Variants in CDC14B observed in about 807,000 individuals in gnomAD.
The protein encoded by CDC14B is cell division cycle 14B.
In CDC14B, 22 loss-of-function variants were observed where a neutral mutation model predicts 64.2. That is an observed-to-expected ratio of 0.34 (90% CI 0.24 to 0.49). The LOEUF is 0.49. CDC14B is among the 20% of genes least tolerant of loss of function. CDC14B has a pLI of 0.99. For missense variants in CDC14B, 498 were observed against 629.9 expected, an observed-to-expected ratio of 0.79 and a Z score of 2.24; for synonymous variants, 191 against 215.8, an observed-to-expected ratio of 0.89 and a Z score of 1.01.
intron 1 of CDC14B, among the ~76,000 whole-genome samples, chr9:96,587,160 G>A (rs2118503397): frequency 6.6e-6 from 1 of 152,062 alleles, no homozygotes; most frequent in Middle Eastern, 3.4e-3. Flanking sequence ...GCAACAGAGT[G>A]AGACTCTGTC....
In CDC14B at chr9:96,601,793, C is replaced by T. The variant is rs191951049; in HGVS notation, c.160+17426G>A. Among the ~76,000 whole-genome samples, 573 of 106,360 alleles carry T rather than the reference C, an allele frequency of 5.4e-3. 1 individual carries two copies. The highest frequency in any genetic ancestry group is 6.7e-3 in the Non-Finnish European group (378 of 56,658). The allele number at this position is 106,360 out of a possible 152,430, so 69.8% of individuals were successfully genotyped here. Reference sequence around the variant, plus strand: ...TGGGCGACAGAGCAAGACGCTGTCTCGAAAAAAAAAAAAAAAAAAAAATTG... The same window carrying T: ...TGGGCGACAGAGCAAGACGCTGTCTTGAAAAAAAAAAAAAAAAAAAAATTG... On this transcript the variant is annotated intron_variant, in intron 1 of 13. Transcript: ENST00000375241.
intron 9 of CDC14B, among the ~76,000 whole-genome samples, chr9:96,527,233 A>C (rs922627233): frequency 6.6e-6 from 1 of 152,128 alleles, no homozygotes; most frequent in African/African-American, 2.4e-5. Context: ...CCCCGTCTCT[A>C]GTAAAAATAC....
At position 96,502,147 on chromosome 9, in the gene CDC14B, T is replaced by C. The variant is rs1306639688; in HGVS notation, c.*1606A>G. On this transcript the variant is annotated 3_prime_UTR_variant, in exon 14 of 14. Transcript: ENST00000375241. ...TTTCCAGGGACAGAAAACCACTGTT[T>C]TTCTGTGATCCAGTCCCCAGTGTTT... is the stretch of plus-strand genomic sequence containing the variant. 2.0e-5 allele frequency: 3 copies of C among 152,170 alleles called. No homozygotes were observed. The highest frequency in any genetic ancestry group is 2.9e-5 in the Non-Finnish European group (2 of 68,032). 9.4% of individuals were successfully genotyped at this position (152,170 alleles called of 1,614,324 possible). A position where few individuals can be genotyped will look rare whatever the true frequency, so the allele number is the denominator to read the frequency against.
intron 1 of CDC14B, chr9:96,567,040 G>A: frequency 8.0e-7 from 1 of 1,244,448 alleles, no homozygotes; most frequent in Non-Finnish European, 1.1e-6. Flanking sequence ...AGGCCGTGGG[G>A]ACGGACAGCA....
chr9:96,581,040 A>G (rs1347167847), intron 1 of CDC14B, among the ~76,000 whole-genome samples: 2 of 151,900 alleles, frequency 1.3e-5, no homozygotes, highest in Non-Finnish European at 2.9e-5. Context: ...GACCAGCCTG[A>G]CCAACATAGT....
intron 5 of CDC14B, among the ~76,000 whole-genome samples, chr9:96,543,823 T>C (rs888377322): frequency 6.6e-6 from 1 of 152,208 alleles, no homozygotes; most frequent in Non-Finnish European, 1.5e-5. Flanking sequence ...GGTGGAGCTA[T>C]CACTAATTCC....
chr9:96,610,701 T>C (rs1038433301), intron 1 of CDC14B, among the ~76,000 whole-genome samples: 1 of 149,316 alleles, frequency 6.7e-6, no homozygotes, highest in Non-Finnish European at 1.5e-5. Context: ...TCATTGTGAG[T>C]ACCCTTTCCA....
At position 96,602,290 on chromosome 9, in the gene CDC14B, C is replaced by T. The variant is rs78506128; in HGVS notation, c.160+16929G>A. 1.4e-4 allele frequency among the ~76,000 whole-genome samples: 21 copies of T among 152,242 alleles called. No individual in the cohort carries two copies. The East Asian group carries it at 4.1e-3, about 29-fold the overall frequency. ...AAGATGCTGCTCATCAGCCCATGTC[C>T]CCAAGCAGTCACAACAAGCACAGTT... On this transcript the variant is annotated intron_variant, in intron 1 of 13. Coordinates refer to ENST00000375241, the MANE Select transcript of CDC14B (RefSeq NM_033331.4).
downstream of CDC14B, among the ~76,000 whole-genome samples, chr9:96,499,467 C>T (rs1833387430): frequency 6.6e-6 from 1 of 152,198 alleles, no homozygotes; most frequent in Non-Finnish European, 1.5e-5. Context: ...GGGCCGGTGC[C>T]GCCCGACCTT....
intron 1 of CDC14B, among the ~76,000 whole-genome samples, chr9:96,617,475 A>AT (rs1847702908): frequency 6.6e-6 from 1 of 152,130 alleles, no homozygotes; most frequent in African/African-American, 2.4e-5. Flanking sequence ...GGTTTTATTC[A>AT]TAAAACCGTA....
chr9:96,615,160 T>C (rs1468471154), intron 1 of CDC14B, among the ~76,000 whole-genome samples: 1 of 152,150 alleles, frequency 6.6e-6, no homozygotes, highest in Non-Finnish European at 1.5e-5. Context: ...TTTATGACCT[T>C]TTGTTTTCAT....
At chr9:96,568,369 G>A (rs1389663660) in intron 1 of CDC14B, among the ~76,000 whole-genome samples, 1 of 152,134 alleles carries the variant, frequency 6.6e-6, no homozygotes, top group Non-Finnish European at 1.5e-5. Context: ...AGATAAACTG[G>A]AAAAATATGT....
At chr9:96,495,458 C>G (rs1323096517), downstream of CDC14B, among the ~76,000 whole-genome samples, 2 of 147,746 alleles carry the variant, frequency 1.4e-5, no homozygotes, top group African/African-American at 4.9e-5. Context: ...CCTGGCACTC[C>G]CTGGAGTTGT....
At chr9:96,594,788 G>A (rs1845978610) in intron 1 of CDC14B, among the ~76,000 whole-genome samples, 1 of 151,632 alleles carries the variant, frequency 6.6e-6, no homozygotes, top group African/African-American at 2.4e-5. Flanking sequence ...GTACAGGCTG[G>A]CATGAGTGCT....
chr9:96,559,263 A>C (rs1842864510), intron 4 of CDC14B, among the ~76,000 whole-genome samples: 1 of 152,246 alleles, frequency 6.6e-6, no homozygotes, highest in Non-Finnish European at 1.5e-5. Flanking sequence ...TTACTTTCAG[A>C]AGCCCTGAAT....
At chr9:96,549,398 C>A (rs1004250043) in intron 5 of CDC14B, among the ~76,000 whole-genome samples, 1 of 152,026 alleles carries the variant, frequency 6.6e-6, no homozygotes, top group South Asian at 2.1e-4. Context: ...AGTTCACAGG[C>A]CACACTTTAT....
chr9:96,524,262 AC>A (rs1352347629), intron 9 of CDC14B, among the ~76,000 whole-genome samples: 1 of 152,158 alleles, frequency 6.6e-6, no homozygotes, highest in African/African-American at 2.4e-5. Context: ...TTTAGATTTA[AC>A]TGGTATGCAG....
intron 12 of CDC14B, 39 bp downstream of exon 12, chr9:96,522,467 T>C (rs1185052142): frequency 3.0e-6 from 4 of 1,332,822 alleles, no homozygotes; most frequent in South Asian, 1.2e-5. Context: ...CACACACATA[T>C]GAAGAAACAT....
In CDC14B at chr9:96,515,141, TGA is replaced by T. The variant is rs1368805389; in HGVS notation, c.1344-5354_1344-5353del. ...CTGCACACTAAAGAGAGAAGACTTA[TGA>T]GAGAGCTGCTGTACAATGGCAGATT... On this transcript the variant is annotated intron_variant, in intron 12 of 13. Transcript: ENST00000375241. This position sits in a 1 kb window ranked among gnomAD's most constrained non-coding sequence, Gnocchi z 4.3. Among the ~76,000 whole-genome samples the T allele has an allele frequency of 6.6e-6, 1 of 152,220 alleles. No homozygotes were observed. The highest frequency in any genetic ancestry group is 1.5e-5 in the Non-Finnish European group (1 of 68,042).
Sources: allele counts gnomAD v4.1 joint callset (sites outside exome capture counted in the v4.1 genomes callset), GRCh38; gene constraint gnomAD v4.1.1; non-coding constraint Gnocchi (gnomAD v3.1); transcripts MANE v1.5; gene names NCBI Gene and HGNC (gene_info 2026-07-23, HGNC 2026-07-21).